Variants in GAL3ST4 observed in about 807,000 individuals in gnomAD.
GAL3ST4 encodes the protein beta-galactose-3-O-sulfotransferase 4.
GAL3ST4 carries 30 observed loss-of-function variants against 31.6 expected under a neutral mutation model. The observed-to-expected ratio is 0.95, with a 90% CI of 0.71 to 1.29. The LOEUF is 1.29. Among genes scored for constraint, GAL3ST4 ranks in the 50% most tolerant of loss-of-function variants. The pLI is 0.00. For missense variants in GAL3ST4, 629 were observed against 625.2 expected (o/e 1.01, Z -0.06); for synonymous variants, 248 against 256.9 (o/e 0.97, Z 0.33).
rs780971571 is a variant in GAL3ST4 at position 100,160,538 on chromosome 7, G to A, written c.851C>T (p.Ser284Leu). 6.2e-7 allele frequency: 1 copy of A among 1,613,992 alleles called. No homozygotes were observed. Among genetic ancestry groups the A allele is most frequent in the South Asian group, 1.1e-5 (1 of 91,088 alleles). ...SSPASFDLGSSSFIQWGLAWL... is the reference protein window; with the variant it reads ...SSPASFDLGSLSFIQWGLAWL... ...TGCCAGACCCCACTGGATGAAGGATGAAGACCCCAAATCGAAAGAGGCAGG... is the reference window on the plus strand; with the variant it reads ...TGCCAGACCCCACTGGATGAAGGATAAAGACCCCAAATCGAAAGAGGCAGG... The change falls in exon 4 of 4, where the codon TCA becomes TTA. Residue 284 changes from serine (S) to leucine (L), a missense_variant. Ser to Leu is a moderately radical substitution (Grantham distance 145). Coordinates refer to ENST00000360039, the MANE Select transcript of GAL3ST4 (RefSeq NM_024637.5).
chr7:100,166,513 T>G lies in GAL3ST4; in HGVS notation c.418A>C (p.Asn140His). The change falls in exon 3 of 4, where the codon AAC becomes CAC. Residue 140 changes from asparagine to histidine, a missense_variant. Physicochemically the swap from Asn to His is moderately conservative, Grantham distance 68. Transcript: ENST00000360039. ...GCGACACTCCTTACCTCTTTCAGGT[T>G]GAACCTCATGTGGTGACAGAGGATG... Reference protein sequence around the residue: ...FHILCHHMRFNLKEVLQVMPS... With the variant: ...FHILCHHMRFHLKEVLQVMPS... The G allele has an allele frequency of 1.9e-6, 3 of 1,612,840 alleles. No homozygotes were observed. Among genetic ancestry groups the G allele is most frequent in the South Asian group, 2.2e-5 (2 of 90,872 alleles).
In GAL3ST4 at chr7:100,160,311, G is replaced by A. The variant is rs570514466; in HGVS notation, c.1078C>T (p.Arg360Ter). The part of the protein sequence containing the change: ...AEDRQLTARA[R>*]AWNNLDWALY... ...GCCCAGTCCAGGTTGTTCCAGGCTC[G>A]GGCCCGTGCAGTCAGCTGCCGGTCC... Residue 360 changes from arginine to a stop codon, truncating the protein, a stop_gained, in exon 4 of 4, where the codon CGA (arginine) becomes TGA (stop). Transcript: ENST00000360039. LOFTEE classifies it high-confidence loss of function. 25 of 1,613,748 alleles carry A rather than the reference G, an allele frequency of 1.5e-5. No homozygotes were observed. The highest frequency in any genetic ancestry group is 2.7e-5 in the African/African-American group (2 of 75,050).
rs145166071 is a variant in GAL3ST4, at chr7:100,160,190, C to T, written c.1199G>A (p.Arg400Gln). ...QTAVAELRAR[R>Q]EALAKHCLVG... ...CAGACAATGTTTCGCTAGGGCCTCT[C>T]GGCGAGCCCGGAGCTCGGCCACAGC... The change falls in exon 4 of 4, where the codon CGA (arginine) becomes CAA (glutamine). Residue 400 changes from arginine to glutamine, a missense_variant. By Grantham distance (43) the Arg-to-Gln change is conservative. Coordinates refer to ENST00000360039, the MANE Select transcript of GAL3ST4 (RefSeq NM_024637.5). 23 of 1,613,976 alleles carry T rather than the reference C, an allele frequency of 1.4e-5. No homozygotes were observed. Among genetic ancestry groups the T allele is most frequent in the Admixed American group, 1.7e-5 (1 of 59,990 alleles).
rs1181284858 is a variant in GAL3ST4, at chr7:100,160,739, G to A, written c.650C>T (p.Pro217Leu). 6.2e-7 allele frequency: 1 copy of A among 1,614,136 alleles called. No individual in the cohort carries two copies. The highest frequency in any genetic ancestry group is 8.5e-7 in the Non-Finnish European group (1 of 1,180,012). The change falls in exon 4 of 4, where the codon CCC becomes CTC. Residue 217 changes from proline (P) to leucine (L), a missense_variant. Physicochemically the swap from Pro to Leu is moderately conservative, Grantham distance 98 (BLOSUM62 -3). Coordinates refer to ENST00000360039, the MANE Select transcript of GAL3ST4 (RefSeq NM_024637.5). ...RNLLWFDFGL[P>L]FPPEKRAKRG... ...CTTGGCCCTCTTCTCTGGGGGAAAG[G>A]GCAGGCCAAAGTCAAACCATAGTAA...
intron 3 of GAL3ST4, among the ~76,000 whole-genome samples, chr7:100,165,328 G>C (rs899918322): frequency 9.9e-5 from 15 of 152,124 alleles, no homozygotes; most frequent in African/African-American, 3.1e-4. Flanking sequence ...GTGCCACCAC[G>C]CCTGGCTAAT....
chr7:100,162,184 G>A (rs930989259), intron 3 of GAL3ST4, among the ~76,000 whole-genome samples: 1 of 152,022 alleles, frequency 6.6e-6, no homozygotes, highest in Non-Finnish European at 1.5e-5. Flanking sequence ...TACTCAAGAG[G>A]CTGAGGTGGT....
chr7:100,163,825 T>C (rs1314576744), intron 3 of GAL3ST4, among the ~76,000 whole-genome samples: 3 of 151,840 alleles, frequency 2.0e-5, no homozygotes, highest in Non-Finnish European at 4.4e-5. Flanking sequence ...TGAGCCACCA[T>C]GCCTGGCCCT....
At chr7:100,162,030 C>A (rs1243244653) in intron 3 of GAL3ST4, among the ~76,000 whole-genome samples, 1 of 152,070 alleles carries the variant, frequency 6.6e-6, no homozygotes, top group Non-Finnish European at 1.5e-5. Context: ...GGCTTAAAAC[C>A]TAGATGATGT....
Position 100,160,289 on chromosome 7 carries a change from C to A in GAL3ST4, c.1100G>T (p.Trp367Leu). The A allele has an allele frequency of 6.2e-7, 1 of 1,613,882 alleles. No homozygotes were observed. ...ARARAWNNLD[W>L]ALYVHFNRSL... is the part of the protein sequence containing the mutation. ...GCGGTTGAAGTGGACATAGAGAGCCCAGTCCAGGTTGTTCCAGGCTCGGGC... is the reference window on the plus strand; with the variant it reads ...GCGGTTGAAGTGGACATAGAGAGCCAAGTCCAGGTTGTTCCAGGCTCGGGC... Residue 367 changes from tryptophan (W) to leucine (L), a missense_variant, in exon 4 of 4, where the codon TGG becomes TTG. Physicochemically the swap from Trp to Leu is moderately conservative, Grantham distance 61. Transcript: ENST00000360039.
intron 1 of GAL3ST4, 69 bp from the exon 2 acceptor site, chr7:100,167,352 T>A: frequency 2.6e-6 from 2 of 773,694 alleles, no homozygotes; most frequent in Non-Finnish European, 3.9e-6. Flanking sequence ...TCTCTCCTGC[T>A]GCAGCTGAGA....
chr7:100,167,224 T>C lies in GAL3ST4; in HGVS notation c.-129A>G. On this transcript the variant is annotated 5_prime_UTR_variant, in exon 2 of 4. Transcript: ENST00000360039. Reference sequence around the variant, plus strand: ...AGATCGGGGGGTCATTCCCCAGGCCTGCTCACAGTCTTGGTTGAGTCTGCC... The same window carrying C: ...AGATCGGGGGGTCATTCCCCAGGCCCGCTCACAGTCTTGGTTGAGTCTGCC... 6.5e-7 allele frequency: 1 copy of C among 1,530,122 alleles called. No individual in the cohort carries two copies. The highest frequency in any genetic ancestry group is 8.8e-7 in the Non-Finnish European group (1 of 1,136,206). 94.8% of individuals were successfully genotyped at this position (1,530,122 alleles called of 1,614,324 possible).
rs996044574 is a variant in GAL3ST4 at position 100,159,752 on chromosome 7, A to G, written c.*176T>C. 2.8e-5 allele frequency: 16 copies of G among 577,764 alleles called. No individual in the cohort carries two copies. Among genetic ancestry groups the G allele is most frequent in the Middle Eastern group, 4.6e-4 (1 of 2,196 alleles). 35.8% of individuals were successfully genotyped at this position (577,764 alleles called of 1,614,324 possible). A position where few individuals can be genotyped will look rare whatever the true frequency, so the allele number is the denominator to read the frequency against. ...AAAAAAGTTGGGGGGAAAGAACAAA[A>G]TGAGTGGAGGGTGGAGGAGGGAAGC... On this transcript the variant is annotated 3_prime_UTR_variant, in exon 4 of 4. Transcript: ENST00000360039.
rs565034036 is a variant in GAL3ST4, at chr7:100,164,966, C to T, written c.429+1536G>A. Among the ~76,000 whole-genome samples, 40 of 151,560 alleles carry T rather than the reference C, an allele frequency of 2.6e-4. 1 individual carries two copies. In the South Asian group the frequency reaches 7.7e-3, roughly 29 times the overall value. On this transcript the variant is annotated intron_variant, in intron 3 of 3. Coordinates refer to ENST00000360039, the MANE Select transcript of GAL3ST4 (RefSeq NM_024637.5). The stretch of plus-strand genomic sequence containing the variant: ...CTCAGCTCACTGCAAGCTCCGCCTC[C>T]CAGGTTCATGCCATTTTCCTGCCTC...
At chr7:100,163,220 G>A (rs544468687) in intron 3 of GAL3ST4, among the ~76,000 whole-genome samples, 2 of 152,286 alleles carry the variant, frequency 1.3e-5, no homozygotes. Flanking sequence ...AGCCACGGCT[G>A]CCTGGTAGGA....
At chr7:100,162,560 AG>A (rs1373726116) in intron 3 of GAL3ST4, among the ~76,000 whole-genome samples, 1 of 133,654 alleles carries the variant, frequency 7.5e-6, no homozygotes, top group African/African-American at 2.7e-5. Context: ...AAAAAAAAAA[AG>A]AAAGAAGCAG....
rs116972718 is a variant in GAL3ST4 at position 100,165,513 on chromosome 7, G to A, written c.429+989C>T. 4.1e-3 allele frequency among the ~76,000 whole-genome samples: 619 copies of A among 152,152 alleles called. 16 individuals are homozygous for A. The highest frequency in any genetic ancestry group is 0.037 in the East Asian group (191 of 5,166). On this transcript the variant is annotated intron_variant, in intron 3 of 3. Coordinates refer to ENST00000360039, the MANE Select transcript of GAL3ST4 (RefSeq NM_024637.5). Reference sequence around the variant, plus strand: ...GTTGAAGAAGACAAGTCAGAAGGCAGTGGGGGAGGTGGGGCCCTGGTGTGA... The same window carrying A: ...GTTGAAGAAGACAAGTCAGAAGGCAATGGGGGAGGTGGGGCCCTGGTGTGA...
Position 100,160,313 on chromosome 7 carries a change from GC to G in GAL3ST4, c.1075del (p.Ala359ProfsTer23). The G allele has an allele frequency of 6.2e-7, 1 of 1,613,864 alleles. No homozygotes were observed. The highest frequency in any genetic ancestry group is 8.5e-7 in the Non-Finnish European group (1 of 1,179,922). ...CCAGTCCAGGTTGTTCCAGGCTCGG[GC>G]CCGTGCAGTCAGCTGCCGGTCCTCC... ...TAEDRQLTAR[A>X]RAWNNLDWAL... On this transcript the variant is annotated frameshift_variant, in exon 4 of 4. Coordinates refer to ENST00000360039, the MANE Select transcript of GAL3ST4 (RefSeq NM_024637.5). LOFTEE classifies it high-confidence loss of function.
At chr7:100,164,876 CTT>C (rs1176405671) in intron 3 of GAL3ST4, among the ~76,000 whole-genome samples, 20 of 137,570 alleles carry the variant, frequency 1.5e-4, no homozygotes, top group Non-Finnish European at 9.5e-5. Flanking sequence ...TCTTTCTTTC[CTT>C]TTTTTTTTTT....
chr7:100,166,417 C>T (rs915358260), intron 3 of GAL3ST4, 85 bp downstream of exon 3: 22 of 1,384,490 alleles, frequency 1.6e-5, no homozygotes, highest in Non-Finnish European at 2.1e-5. Context: ...GCCTGGGGAG[C>T]CCCCAGGTCT....
Sources: gnomAD v4.1 joint callset for allele counts (sites outside exome capture counted in the v4.1 genomes callset) on GRCh38, gnomAD v4.1.1 for gene constraint, MANE v1.5 for transcripts, NCBI Gene and HGNC (gene_info 2026-07-23, HGNC 2026-07-21) for gene names.